The following FMNL3 variants were observed in gnomAD, a reference collection of about 807,000 sequenced individuals.
The protein encoded by FMNL3 is formin-like protein 3.
Under a neutral mutation model 119.6 loss-of-function variants are expected in FMNL3, and 57 were observed. The observed-to-expected ratio is 0.48, with a 90% CI of 0.39 to 0.59. The LOEUF is 0.59. Ranked by LOEUF, FMNL3 falls within the 20% of genes least tolerant of loss-of-function variation. The pLI, the probability that FMNL3 is intolerant of heterozygous loss-of-function variation, is 0.00. For synonymous variants in FMNL3, 491 were observed against 507.3 expected (o/e 0.97, Z 0.43); for missense variants, 1,053 against 1,323.5 (o/e 0.80, Z 3.17).
At chr12:49,656,634 G>T in intron 8 of FMNL3, 137 bp from the exon 9 acceptor site, 2 of 905,980 alleles carry the variant, frequency 2.2e-6, no homozygotes, top group Non-Finnish European at 3.4e-6. Flanking sequence ...GAGAAAGAGG[G>T]CTTGCTCCCT....
intron 1 of FMNL3, among the ~76,000 whole-genome samples, chr12:49,672,600 C>G (rs1390628768): frequency 6.6e-6 from 1 of 152,204 alleles, no homozygotes; most frequent in Non-Finnish European, 1.5e-5. Flanking sequence ...AGCAAGGTTT[C>G]CTAACTCTCC....
At chr12:49,646,520 A>G (rs1231913971) in intron 25 of FMNL3, 4 of 760,268 alleles carry the variant, frequency 5.3e-6, no homozygotes, top group Non-Finnish European at 8.3e-6. Context: ...ATGTGTCCCC[A>G]TTGCTGGGAG....
At chr12:49,688,124 C>T (rs1032981467) in intron 1 of FMNL3, among the ~76,000 whole-genome samples, 4 of 152,216 alleles carry the variant, frequency 2.6e-5, no homozygotes, top group Non-Finnish European at 5.9e-5. Context: ...CTGGGAGGCA[C>T]GCCAAACACT....
intron 1 of FMNL3, among the ~76,000 whole-genome samples, chr12:49,677,828 G>T (rs891328967): frequency 6.6e-6 from 1 of 152,124 alleles, no homozygotes; most frequent in Admixed American, 6.5e-5. Flanking sequence ...CAAGTAAGGT[G>T]TAAGACTTCC....
chr12:49,647,766 ACT>A lies in FMNL3; in HGVS notation c.2713_2714del (p.Pro906GlnfsTer27), dbSNP rs1565864147. Reference protein sequence around the residue: ...YNAVVRYFGESPKTTPPSVFF... With the variant: ...YNAVVRYFGEXPKTTPPSVFF... ...ATACAGAAGGAGGTGTAGTCTTGGG[ACT>A]CTCGCCAAAGTAGCGCACAACTGCA... On this transcript the variant is annotated frameshift_variant, in exon 23 of 26. Transcript: ENST00000335154. LOFTEE classifies it high-confidence loss of function. The surrounding 1 kb of genome is among the most constrained non-coding windows in gnomAD (Gnocchi z 4.9). 6.2e-7 allele frequency: 1 copy of A among 1,613,376 alleles called. No homozygotes were observed.
In FMNL3 at chr12:49,642,515, C is replaced by T. The variant is rs1305001840; in HGVS notation, c.*3300G>A. 6.9e-6 allele frequency: 11 copies of T among 1,592,612 alleles called. No individual in the cohort carries two copies. The highest frequency in any genetic ancestry group is 7.7e-6 in the Non-Finnish European group (9 of 1,161,720). On this transcript the variant is annotated 3_prime_UTR_variant, in exon 26 of 26. Coordinates refer to ENST00000335154, the MANE Select transcript of FMNL3 (RefSeq NM_175736.5). The surrounding 1 kb of genome is among the most constrained non-coding windows in gnomAD (Gnocchi z 5.8). ...CTCTGCCCCAGCCCTGCCCTGTGCT[C>T]ATGGCGGTGTCCAGGCCAGGCTGAG...
At chr12:49,651,479 C>CG in intron 14 of FMNL3, 29 bp from the exon 15 acceptor site, 1 of 1,450,714 alleles carries the variant, frequency 6.9e-7, no homozygotes, top group Non-Finnish European at 9.1e-7. Flanking sequence ...ACACAGTGAC[C>CG]CAGGCGTCAA....
chr12:49,652,270 C>T (rs772050765), intron 13 of FMNL3, 58 bp from the exon 14 acceptor site: 2 of 1,552,324 alleles, frequency 1.3e-6, no homozygotes, highest in Non-Finnish European at 8.7e-7. Flanking sequence ...GTCATTGCCC[C>T]AAGAGTGAGA....
chr12:49,693,345 G>C (rs543168308), intron 1 of FMNL3, among the ~76,000 whole-genome samples: 1 of 151,998 alleles, frequency 6.6e-6, no homozygotes, highest in East Asian at 1.9e-4. Context: ...TACATATAGA[G>C]AGAGACAGTT....
At chr12:49,706,363 A>C (rs1791650384) in intron 1 of FMNL3, among the ~76,000 whole-genome samples, 1 of 152,180 alleles carries the variant, frequency 6.6e-6, no homozygotes, top group Admixed American at 6.5e-5. Flanking sequence ...GGGGGGGAGG[A>C]GGCGGGATGG....
chr12:49,641,313 G>C lies in FMNL3; in HGVS notation c.*4502C>G, dbSNP rs1942615844. On this transcript the variant is annotated 3_prime_UTR_variant, in exon 26 of 26. Coordinates refer to ENST00000335154, the MANE Select transcript of FMNL3 (RefSeq NM_175736.5). ...GGTGCTTGAAAGCAGACACTTTGGGGATAGAGAGCCCCCCCAGGGTAGGGT... is the reference window on the plus strand; with the variant it reads ...GGTGCTTGAAAGCAGACACTTTGGGCATAGAGAGCCCCCCCAGGGTAGGGT... 1 of 152,228 alleles carries C rather than the reference G, an allele frequency of 6.6e-6. No homozygotes were observed. The allele number at this position is 152,228 out of a possible 1,614,324, so 9.4% of individuals were successfully genotyped here. A position where few individuals can be genotyped will look rare whatever the true frequency, so the allele number is the denominator to read the frequency against.
intron 1 of FMNL3, among the ~76,000 whole-genome samples, chr12:49,686,354 G>A (rs1944458143): frequency 6.6e-6 from 1 of 151,728 alleles, no homozygotes; most frequent in East Asian, 2.0e-4. Context: ...GGCCGACGCA[G>A]GCGGATCACG....
chr12:49,666,293 T>C, intron 2 of FMNL3, 86 bp from the exon 3 acceptor site: 1 of 1,226,116 alleles, frequency 8.2e-7, no homozygotes. Context: ...TTCATAGTGT[T>C]CAGTGTGAGG....
At chr12:49,665,137 C>T (rs1332506254) in intron 4 of FMNL3, among the ~76,000 whole-genome samples, 5 of 151,842 alleles carry the variant, frequency 3.3e-5, no homozygotes, top group African/African-American at 9.7e-5. Flanking sequence ...ATTACAGTTT[C>T]GTAACACTGA....
rs942291441 is a variant in FMNL3 at position 49,637,167 on chromosome 12, G to A, written c.*8648C>T. On this transcript the variant is annotated 3_prime_UTR_variant, in exon 26 of 26. Transcript: ENST00000335154. Reference sequence around the variant, plus strand: ...CCGACAGGCAGAGTTTATTCCCTCAGCTTGGGGGTGGCAGTGGTGGTGGTA... The same window carrying A: ...CCGACAGGCAGAGTTTATTCCCTCAACTTGGGGGTGGCAGTGGTGGTGGTA... The A allele has an allele frequency of 5.2e-6, 3 of 573,104 alleles. No individual in the cohort carries two copies. The highest frequency in any genetic ancestry group is 1.9e-5 in the African/African-American group (1 of 53,528). The allele number at this position is 573,104 out of a possible 1,614,324, so 35.5% of individuals were successfully genotyped here. A position where few individuals can be genotyped will look rare whatever the true frequency, so the allele number is the denominator to read the frequency against.
Position 49,668,526 on chromosome 12 carries a change from G to T in FMNL3, c.155C>A (p.Ala52Asp). ...LSSMNLPPDK[A>D]RLLRQYDNEK... is the part of the protein sequence containing the mutation. ...ATTGTCATACTGCCGCAGGAGCCGG[G>T]CCTTGTCTGGAGGCAGGTTCATGGA... The change falls in exon 2 of 26, where the codon GCC becomes GAC. Residue 52 changes from alanine to aspartate, a missense_variant. By Grantham distance (126) the Ala-to-Asp change is moderately radical. Coordinates refer to ENST00000335154, the MANE Select transcript of FMNL3 (RefSeq NM_175736.5). The T allele has an allele frequency of 6.2e-7, 1 of 1,614,122 alleles. No individual in the cohort carries two copies. Among genetic ancestry groups the T allele is most frequent in the Non-Finnish European group, 8.5e-7 (1 of 1,180,020 alleles).
chr12:49,675,806 T>C (rs1046527481), intron 1 of FMNL3, among the ~76,000 whole-genome samples: 3 of 152,228 alleles, frequency 2.0e-5, no homozygotes, highest in Admixed American at 6.5e-5. Flanking sequence ...TTATCATTTA[T>C]ATGAGAAAAC....
At chr12:49,660,927 C>T (rs1035939587) in intron 5 of FMNL3, among the ~76,000 whole-genome samples, 5 of 152,204 alleles carry the variant, frequency 3.3e-5, no homozygotes, top group Non-Finnish European at 7.3e-5. Flanking sequence ...GAGCCAAGAT[C>T]GTGCCACTGC....
At chr12:49,701,735 AAC>A (rs373036354) in intron 1 of FMNL3, among the ~76,000 whole-genome samples, 200 of 152,078 alleles carry the variant, frequency 1.3e-3, no homozygotes, top group South Asian at 0.011. Context: ...CAGCCTGGCC[AAC>A]ACATGGTGAA....
Sources: gnomAD v4.1 joint callset for allele counts (sites outside exome capture counted in the v4.1 genomes callset) on GRCh38, gnomAD v4.1.1 for gene constraint, Gnocchi (gnomAD v3.1) non-coding constraint, MANE v1.5 for transcripts, NCBI Gene and HGNC (gene_info 2026-07-23, HGNC 2026-07-21) for gene names.